THRAP3: variants seen among roughly 807,000 people sequenced by gnomAD.
THRAP3 encodes thyroid hormone receptor-associated protein 3.
THRAP3 carries 16 observed loss-of-function variants against 101.0 expected under a neutral mutation model. The ratio of observed to expected loss-of-function variants is 0.16; its 90% CI spans 0.11 to 0.24. The LOEUF is 0.24. THRAP3 is among the 10% of genes least tolerant of loss of function. THRAP3 has a pLI of 1.00. For missense variants in THRAP3, 989 were observed against 1,202.7 expected (o/e 0.82, Z 2.63); for synonymous variants, 407 against 422.6 (o/e 0.96, Z 0.45).
intron 2 of THRAP3, among the ~76,000 whole-genome samples, chr1:36,264,567 C>A (rs1226350056): frequency 6.6e-6 from 1 of 152,220 alleles, no homozygotes; most frequent in African/African-American, 2.4e-5. Context: ...TCACCTAACA[C>A]CCACCTTAGT....
At chr1:36,255,496 C>G in intron 1 of THRAP3, among the ~76,000 whole-genome samples, 1 of 150,644 alleles carries the variant, frequency 6.6e-6, no homozygotes, top group East Asian at 2.0e-4. Context: ...AGGCCAGGCG[C>G]GGTGGCTCAT....
chr1:36,235,024 G>A (rs1645069424), intron 1 of THRAP3, among the ~76,000 whole-genome samples: 1 of 152,050 alleles, frequency 6.6e-6, no homozygotes, highest in Non-Finnish European at 1.5e-5. Flanking sequence ...ATGTTGGCCA[G>A]GCAGGTTTCG....
At chr1:36,302,183 C>T (rs1646038453) in intron 11 of THRAP3, among the ~76,000 whole-genome samples, 1 of 152,220 alleles carries the variant, frequency 6.6e-6, no homozygotes, top group Non-Finnish European at 1.5e-5. Flanking sequence ...CACTCTGGGC[C>T]TCCCTCAGAT....
At chr1:36,260,683 G>A (rs1461526352) in intron 2 of THRAP3, among the ~76,000 whole-genome samples, 17 of 151,814 alleles carry the variant, frequency 1.1e-4, no homozygotes, top group Admixed American at 1.3e-4. Context: ...TTAGCCGGGC[G>A]TGGTGGTGGG....
chr1:36,248,551 G>A (rs1360741678), intron 1 of THRAP3, among the ~76,000 whole-genome samples: 4 of 150,998 alleles, frequency 2.6e-5, no homozygotes, highest in Admixed American at 6.6e-5. Flanking sequence ...GGGCCCAAGC[G>A]ATTCTCAGCC....
intron 1 of THRAP3, among the ~76,000 whole-genome samples, chr1:36,245,614 A>C (rs560688242): frequency 6.6e-6 from 1 of 152,296 alleles, no homozygotes; most frequent in Non-Finnish European, 1.5e-5. Context: ...ATCCTGATCC[A>C]TCCCCTTATC....
chr1:36,261,009 C>A (rs1425960999), intron 2 of THRAP3, among the ~76,000 whole-genome samples: 1 of 152,038 alleles, frequency 6.6e-6, no homozygotes, highest in African/African-American at 2.4e-5. Context: ...GTCTATTTTG[C>A]TTAGTTTCTA....
At chr1:36,228,517 C>G (rs1644988707) in intron 1 of THRAP3, among the ~76,000 whole-genome samples, 1 of 152,174 alleles carries the variant, frequency 6.6e-6, no homozygotes, top group Admixed American at 6.5e-5. Flanking sequence ...GCGCATCTGG[C>G]CTAATTTTTG....
At chr1:36,223,892 G>A (rs1479399650), upstream of THRAP3, among the ~76,000 whole-genome samples, 1 of 152,200 alleles carries the variant, frequency 6.6e-6, no homozygotes, top group Non-Finnish European at 1.5e-5. Context: ...CAGGGTGCTT[G>A]AGGCTTTCCT....
intron 8 of THRAP3, 56 bp downstream of exon 8, chr1:36,293,991 T>C: frequency 6.3e-7 from 1 of 1,585,466 alleles, no homozygotes; most frequent in Non-Finnish European, 8.6e-7. Flanking sequence ...GGGCATGAAC[T>C]TGACAGAAAT....
intron 1 of THRAP3, among the ~76,000 whole-genome samples, chr1:36,231,463 G>A (rs1007405406): frequency 2.0e-5 from 3 of 152,322 alleles, no homozygotes; most frequent in Admixed American, 6.5e-5. Context: ...AGAAGGCCAA[G>A]CAGAGTTGTT....
intron 1 of THRAP3, among the ~76,000 whole-genome samples, chr1:36,240,437 A>G (rs910241251): frequency 5.3e-5 from 8 of 152,224 alleles, no homozygotes; most frequent in Non-Finnish European, 2.9e-5. Flanking sequence ...GAGAGAGAGC[A>G]GACTCAGCAA....
In THRAP3 at chr1:36,280,122, GAATT is replaced by G. The variant is rs1645712767; in HGVS notation, c.-31-2407_-31-2404del. ...CAACACAGGGAGACCCCATCTGAATGAATTAATGAATGAGCAAGTCGATCGTGGT... is the reference window on the plus strand; with the variant it reads ...CAACACAGGGAGACCCCATCTGAATGAATGAATGAGCAAGTCGATCGTGGT... On this transcript the variant is annotated intron_variant, in intron 2 of 11. Coordinates refer to ENST00000354618, the MANE Select transcript of THRAP3 (RefSeq NM_005119.4). Among the ~76,000 whole-genome samples, 3 of 152,282 alleles carry G rather than the reference GAATT, an allele frequency of 2.0e-5. No individual in the cohort carries two copies. The East Asian group carries it at 5.8e-4, about 29-fold the overall frequency.
intron 9 of THRAP3, among the ~76,000 whole-genome samples, chr1:36,298,570 G>A (rs1645983527): frequency 6.6e-6 from 1 of 150,550 alleles, no homozygotes; most frequent in Non-Finnish European, 1.5e-5. Context: ...CATAGCTCAC[G>A]GCATCCTTGA....
chr1:36,230,969 C>T (rs887562180), intron 1 of THRAP3, among the ~76,000 whole-genome samples: 1 of 152,130 alleles, frequency 6.6e-6, no homozygotes, highest in African/African-American at 2.4e-5. Flanking sequence ...TCCAATTTGC[C>T]CTAGACCCTG....
At chr1:36,214,315 C>G in the THRAP3 span, among the ~76,000 whole-genome samples, 1 of 152,188 alleles carries the variant, frequency 6.6e-6, no homozygotes, top group Non-Finnish European at 1.5e-5. Context: ...AAGCCAGAAA[C>G]CTGGGGGTCG....
chr1:36,282,477 G>C (rs1455026416), intron 2 of THRAP3, 56 bp from the exon 3 acceptor site: 2 of 1,283,594 alleles, frequency 1.6e-6, no homozygotes, highest in East Asian at 2.4e-5. Flanking sequence ...TGTCCAAAGA[G>C]GTTCACATTT....
At chr1:36,210,939 G>A in the THRAP3 span, among the ~76,000 whole-genome samples, 160 of 150,004 alleles carry the variant, frequency 1.1e-3, no homozygotes, top group African/African-American at 3.8e-3. Flanking sequence ...TGGGCCAGGT[G>A]TGGTGGTTCA....
intron 3 of THRAP3, 77 bp downstream of exon 3, chr1:36,282,777 C>A: frequency 1.3e-6 from 2 of 1,556,264 alleles, no homozygotes; most frequent in South Asian, 1.1e-5. Flanking sequence ...TTTTGTTAGA[C>A]TTTTCCTGTG....
Sources: allele counts gnomAD v4.1 joint callset (sites outside exome capture counted in the v4.1 genomes callset), GRCh38; gene constraint gnomAD v4.1.1; transcripts MANE v1.5; gene names NCBI Gene and HGNC (gene_info 2026-07-23, HGNC 2026-07-21).